The following SIKE1 variants were observed in gnomAD, a reference collection of about 807,000 sequenced individuals.
SIKE1 encodes suppressor of IKBKE 1.
SIKE1 carries 13 observed loss-of-function variants against 25.8 expected under a neutral mutation model. The ratio of observed to expected loss-of-function variants is 0.50; its 90% confidence interval spans 0.33 to 0.80. SIKE1 has a LOEUF of 0.80. SIKE1 is among the 30% of genes least tolerant of loss of function. SIKE1 has a pLI of 0.02. For synonymous variants in SIKE1, 86 were observed against 95.5 expected, an observed-to-expected ratio of 0.90 and a Z score of 0.58; for missense variants, 222 against 252.4, an observed-to-expected ratio of 0.88 and a Z score of 0.82.
rs765652483 is a variant in SIKE1 at position 114,780,657 on chromosome 1, C to T, written c.-50G>A. The T allele has an allele frequency of 6.7e-7, 1 of 1,487,754 alleles. No homozygotes were observed. The highest frequency in any genetic ancestry group is 9.1e-7 in the Non-Finnish European group (1 of 1,096,420). The allele number at this position is 1,487,754 out of a possible 1,614,324, so 92.2% of individuals were successfully genotyped here. On this transcript the variant is annotated 5_prime_UTR_variant, in exon 1 of 5. Coordinates refer to ENST00000060969, the MANE Select transcript of SIKE1 (RefSeq NM_025073.3). ...GCCGGGCTCAGCTACGCGACTCGCT[C>T]AGATCTTCTGGGAGTCTGTCTCAGC...
chr1:114,775,301 C>T (rs1310724939), intron 4 of SIKE1, among the ~76,000 whole-genome samples: 3 of 152,168 alleles, frequency 2.0e-5, no homozygotes, highest in African/African-American at 7.2e-5. Context: ...GTCGACGAAT[C>T]TTCTACCACA....
In SIKE1 at chr1:114,771,236, C is replaced by T. The variant is rs1409778962; in HGVS notation, c.*3035G>A. 2 of 152,226 alleles carry T rather than the reference C, an allele frequency of 1.3e-5. No individual in the cohort carries two copies. The highest frequency in any genetic ancestry group is 2.4e-5 in the African/African-American group (1 of 41,458). The allele number at this position is 152,226 out of a possible 1,614,324, so 9.4% of individuals were successfully genotyped here. A position where few individuals can be genotyped will look rare whatever the true frequency, so the allele number is the denominator to read the frequency against. ...ATTCCTTTCAGTTGAATCACACATA[C>T]TCTCAGCTACACCATTCTAGAAAAT... On this transcript the variant is annotated 3_prime_UTR_variant, in exon 5 of 5. Transcript: ENST00000060969.
At chr1:114,778,890 C>T (rs1275862143) in intron 3 of SIKE1, 1 of 486,244 alleles carries the variant, frequency 2.1e-6, no homozygotes, top group East Asian at 3.6e-5. Context: ...AACAAACAAA[C>T]AAACAACCCC....
rs890563703 is a variant in SIKE1, at chr1:114,780,303, G to A, written c.160-88C>T. ...GGCAGAAGTTAGGGCTCCAGGGCAG[G>A]ATTCTCAGCCCCGACCCAGGAAAAT... On this transcript the variant is annotated intron_variant, in intron 1 of 4. Transcript: ENST00000060969. 6.4e-6 allele frequency: 10 copies of A among 1,554,706 alleles called. No individual in the cohort carries two copies. The African/African-American group carries it at 9.5e-5, about 15-fold the overall frequency.
rs778798621 is a variant in SIKE1 at position 114,774,327 on chromosome 1, A to G, written c.568T>C (p.Ser190Pro). Residue 190 changes from serine to proline, a missense_variant, in exon 5 of 5, where the codon TCT (serine) becomes CCT (proline). By Grantham distance (74) the Ser-to-Pro change is moderately conservative. Transcript: ENST00000060969. ...LRELLSISSE[S>P]LQARKENSMD... is the part of the protein sequence containing the mutation. Reference sequence around the variant, plus strand: ...GAGTTTTCCTTTCTGGCTTGAAGAGACTCACTGCTGATGGACAATAATTCT... The same window carrying G: ...GAGTTTTCCTTTCTGGCTTGAAGAGGCTCACTGCTGATGGACAATAATTCT... 1 of 1,612,182 alleles carries G rather than the reference A, an allele frequency of 6.2e-7. No homozygotes were observed. The highest frequency in any genetic ancestry group is 1.1e-5 in the South Asian group (1 of 90,886).
Position 114,770,492 on chromosome 1 carries a change from C to T in SIKE1, c.*3779G>A. 6.6e-6 allele frequency: 1 copy of T among 152,188 alleles called. No homozygotes were observed. Among genetic ancestry groups the T allele is most frequent in the East Asian group, 1.9e-4 (1 of 5,198 alleles). The allele number at this position is 152,188 out of a possible 1,614,324, so 9.4% of individuals were successfully genotyped here. On this transcript the variant is annotated 3_prime_UTR_variant, in exon 5 of 5. Transcript: ENST00000060969. ...ATGAATGCAGTAGTGTTGTTAATCA[C>T]CATCTTCAAAGGAATCTGCATGGTT...
chr1:114,779,210 G>C lies in SIKE1; in HGVS notation c.340C>G (p.Gln114Glu), dbSNP rs780834239. 35 of 1,614,092 alleles carry C rather than the reference G, an allele frequency of 2.2e-5. 1 individual carries two copies. Among genetic ancestry groups the C allele is most frequent in the Middle Eastern group, 1.6e-4 (1 of 6,084 alleles). The change falls in exon 3 of 5, where the codon CAG becomes GAG. Residue 114 changes from glutamine to glutamate, a missense_variant. Gln to Glu is a conservative substitution (Grantham distance 29, BLOSUM62 2). Transcript: ENST00000060969. ...ACCGCTTTTTTAGCAACCATTAACT[G>C]TAACATCTGTTTCCGATATTTGCTC... is the stretch of plus-strand genomic sequence containing the variant. ...IMSKYRKQML[Q>E]LMVAKKAVDA... is the part of the protein sequence containing the mutation.
At position 114,780,621 on chromosome 1, in the gene SIKE1, C is replaced by A. The variant is rs1436670894; in HGVS notation, c.-14G>T. On this transcript the variant is annotated 5_prime_UTR_variant, in exon 1 of 5. Coordinates refer to ENST00000060969, the MANE Select transcript of SIKE1 (RefSeq NM_025073.3). Reference sequence around the variant, plus strand: ...GGTGCAGCTCATAGCAGCAGCACCACCCCAGCCCCTGCCGGGCTCAGCTAC... The same window carrying A: ...GGTGCAGCTCATAGCAGCAGCACCAACCCAGCCCCTGCCGGGCTCAGCTAC... The A allele has an allele frequency of 6.3e-7, 1 of 1,592,264 alleles. No individual in the cohort carries two copies. Among genetic ancestry groups the A allele is most frequent in the Non-Finnish European group, 8.6e-7 (1 of 1,166,986 alleles).
rs2101126191 is a variant in SIKE1, at chr1:114,773,388, T to G, written c.*883A>C. 6.6e-6 allele frequency: 1 copy of G among 152,002 alleles called. No homozygotes were observed. The highest frequency in any genetic ancestry group is 2.1e-4 in the South Asian group (1 of 4,820). The allele number at this position is 152,002 out of a possible 1,614,324, so 9.4% of individuals were successfully genotyped here. A position where few individuals can be genotyped will look rare whatever the true frequency, so the allele number is the denominator to read the frequency against. On this transcript the variant is annotated 3_prime_UTR_variant, in exon 5 of 5. Transcript: ENST00000060969. ...ATGAAAGACATCCAATCCAAGTAAGTGATGGTTCTTAACTATAAAATGGAA... is the reference window on the plus strand; with the variant it reads ...ATGAAAGACATCCAATCCAAGTAAGGGATGGTTCTTAACTATAAAATGGAA...
Position 114,776,441 on chromosome 1 carries a change from C to T in SIKE1, c.427G>A (p.Asp143Asn), listed in dbSNP as rs141025380. The change falls in exon 4 of 5, where the codon GAC becomes AAC. Residue 143 changes from aspartate to asparagine, a missense_variant. Coordinates refer to ENST00000060969, the MANE Select transcript of SIKE1 (RefSeq NM_025073.3). ...ACTTCTCCCATTTCACAGATTCTGT[C>T]AATCTGACTCTCAATTTCCTGTGAA... is the stretch of plus-strand genomic sequence containing the variant. ...SHSAEIESQI[D>N]RICEMGEVMR... 6.2e-7 allele frequency: 1 copy of T among 1,610,792 alleles called. No individual in the cohort carries two copies. The highest frequency in any genetic ancestry group is 8.5e-7 in the Non-Finnish European group (1 of 1,177,174).
chr1:114,780,184 A>G lies in SIKE1; in HGVS notation c.191T>C (p.Met64Thr), dbSNP rs1281513534. ...CAGAATGTGAGGTTTGTATTTGGAC[A>G]TGTCCTTCATATCGGATGCATCCTC... Reference protein sequence around the residue: ...YQEDASDMKDMSKYKPHILLS... With the variant: ...YQEDASDMKDTSKYKPHILLS... The change falls in exon 2 of 5, where the codon ATG (methionine) becomes ACG (threonine). Residue 64 changes from methionine to threonine, a missense_variant. By Grantham distance (81) the Met-to-Thr change is moderately conservative. Transcript: ENST00000060969. The G allele has an allele frequency of 1.9e-6, 3 of 1,613,880 alleles. No homozygotes were observed. The highest frequency in any genetic ancestry group is 2.5e-6 in the Non-Finnish European group (3 of 1,179,904).
At position 114,773,770 on chromosome 1, in the gene SIKE1, A is replaced by G. The variant is rs1191569221; in HGVS notation, c.*501T>C. 6.5e-6 allele frequency: 1 copy of G among 152,714 alleles called. No individual in the cohort carries two copies. Among genetic ancestry groups the G allele is most frequent in the Non-Finnish European group, 1.5e-5 (1 of 68,058 alleles). 9.5% of individuals were successfully genotyped at this position (152,714 alleles called of 1,614,324 possible). On this transcript the variant is annotated 3_prime_UTR_variant, in exon 5 of 5. Transcript: ENST00000060969. ...TAGCACCAGAGAGACTTAAAATGTC[A>G]CAGGTGAATGACATTACAAATCAGA...
At chr1:114,780,061 T>A in intron 2 of SIKE1, 49 bp downstream of exon 2, 2 of 1,356,030 alleles carry the variant, frequency 1.5e-6, no homozygotes, top group Non-Finnish European at 2.1e-6. Flanking sequence ...TTTAGGGCAA[T>A]TTTGCAATAA....
Position 114,779,119 on chromosome 1 carries a change from C to T in SIKE1, c.408+23G>A, listed in dbSNP as rs371204375. The T allele has an allele frequency of 3.1e-5, 50 of 1,611,300 alleles. No homozygotes were observed. In the South Asian group the frequency reaches 3.4e-4, roughly 11 times the overall value. On this transcript the variant is annotated intron_variant, in intron 3 of 4. Coordinates refer to ENST00000060969, the MANE Select transcript of SIKE1 (RefSeq NM_025073.3). The stretch of plus-strand genomic sequence containing the variant: ...CTCAAGATTTCAATTTGGTTCATTT[C>T]GAATTTATTCAAAGTTTCTTACTGC...
rs1662105998 is a variant in SIKE1 at position 114,772,875 on chromosome 1, T to C, written c.*1396A>G. ...TTAACACCCACTGCTCTAGATGACA[T>C]CCATTAGTTATTACTGGGATCAGAT... On this transcript the variant is annotated 3_prime_UTR_variant, in exon 5 of 5. Transcript: ENST00000060969. 1 of 152,222 alleles carries C rather than the reference T, an allele frequency of 6.6e-6. No individual in the cohort carries two copies. The highest frequency in any genetic ancestry group is 2.4e-5 in the African/African-American group (1 of 41,468). The allele number at this position is 152,222 out of a possible 1,614,324, so 9.4% of individuals were successfully genotyped here.
rs1190119230 is a variant in SIKE1, at chr1:114,780,194, T to C, written c.181A>G (p.Met61Val). ...PDQYQEDASD[M>V]KDMSKYKPHI... ...GGTTTGTATTTGGACATGTCCTTCA[T>C]ATCGGATGCATCCTCTTGATACTGG... The change falls in exon 2 of 5, where the codon ATG becomes GTG. Residue 61 changes from methionine (M) to valine (V), a missense_variant. By Grantham distance (21) the Met-to-Val change is conservative. Transcript: ENST00000060969. 1.2e-6 allele frequency: 2 copies of C among 1,613,684 alleles called. No homozygotes were observed. The highest frequency in any genetic ancestry group is 2.2e-5 in the East Asian group (1 of 44,882).
At position 114,772,176 on chromosome 1, in the gene SIKE1, A is replaced by G. The variant is rs544969970; in HGVS notation, c.*2095T>C. On this transcript the variant is annotated 3_prime_UTR_variant, in exon 5 of 5. Transcript: ENST00000060969. ...ACCACTTGACAAGGTTGCTATATATATGTAAAAAAACCCTCTGCACTTCCT... is the reference window on the plus strand; with the variant it reads ...ACCACTTGACAAGGTTGCTATATATGTGTAAAAAAACCCTCTGCACTTCCT... The G allele has an allele frequency of 6.6e-6, 1 of 152,332 alleles. No individual in the cohort carries two copies. The highest frequency in any genetic ancestry group is 6.5e-5 in the Admixed American group (1 of 15,292). 9.4% of individuals were successfully genotyped at this position (152,332 alleles called of 1,614,324 possible). A position where few individuals can be genotyped will look rare whatever the true frequency, so the allele number is the denominator to read the frequency against.
chr1:114,777,276 G>A (rs1450350191), intron 3 of SIKE1, among the ~76,000 whole-genome samples: 1 of 152,126 alleles, frequency 6.6e-6, no homozygotes, highest in Non-Finnish European at 1.5e-5. Flanking sequence ...GCCTCCTTAA[G>A]GGGATCCTCA....
intron 4 of SIKE1, 126 bp downstream of exon 4, chr1:114,776,220 G>A (rs565979468): frequency 4.5e-5 from 30 of 659,684 alleles, no homozygotes; most frequent in African/African-American, 4.2e-4. Flanking sequence ...TGAAGGAGGA[G>A]TTTTAATTTT....
Sources: allele counts gnomAD v4.1 joint callset (sites outside exome capture counted in the v4.1 genomes callset), GRCh38; gene constraint gnomAD v4.1.1; transcripts MANE v1.5; gene names NCBI Gene and HGNC (gene_info 2026-07-23, HGNC 2026-07-21).